Variants in GALNT2 observed in about 807,000 individuals in gnomAD.
The protein encoded by GALNT2 is polypeptide N-acetylgalactosaminyltransferase 2, also known as UDP-GalNAc:polypeptide N-acetylgalactosaminyltransferase 2.
In GALNT2, 31 loss-of-function variants were observed where a neutral mutation model predicts 81.4. The observed-to-expected ratio is 0.38, with a 90% CI of 0.29 to 0.51. GALNT2 has a LOEUF of 0.51. Among genes scored for constraint, GALNT2 ranks in the 20% least tolerant of loss-of-function variants. The pLI, the probability that GALNT2 is intolerant of heterozygous loss-of-function variation, is 0.87. For synonymous variants in GALNT2, 303 were observed against 287.4 expected (o/e 1.05, Z -0.55); for missense variants, 629 against 765.7 (o/e 0.82, Z 2.11).
In GALNT2 at chr1:230,107,610, T is replaced by TGTGTGTGTGTGTG. The variant is rs1660578332; in HGVS notation, c.126+40204_126+40205insGTGTGTGTGTGTG. ...AAATTCTCATTTCTTCTCATGGACT[T>TGTGTGTGTGTGTG]TGTGTGTGTGTGTGTGTGTGTGTGT... On this transcript the variant is annotated intron_variant, in intron 1 of 15. Transcript: ENST00000366672. Among the ~76,000 whole-genome samples, 505 of 141,200 alleles carry TGTGTGTGTGTGTG rather than the reference T, an allele frequency of 3.6e-3. 5 individuals carry two copies. The highest frequency in any genetic ancestry group is 4.0e-3 in the Non-Finnish European group (257 of 64,908). The allele number at this position is 141,200 out of a possible 152,430, so 92.6% of individuals were successfully genotyped here.
chr1:230,107,473 G>A (rs969600864), intron 1 of GALNT2, among the ~76,000 whole-genome samples: 1 of 152,136 alleles, frequency 6.6e-6, no homozygotes, highest in Non-Finnish European at 1.5e-5. Context: ...CCACCTACTC[G>A]GGAGGCTGAG....
intron 1 of GALNT2, among the ~76,000 whole-genome samples, chr1:230,083,461 CAG>C (rs545442925): frequency 7.5e-4 from 110 of 145,878 alleles, no homozygotes; most frequent in African/African-American, 2.4e-3. Flanking sequence ...GATGTTGGAG[CAG>C]ACAGTTGGGA....
chr1:230,113,415 G>A (rs889017739), intron 1 of GALNT2, among the ~76,000 whole-genome samples: 1 of 152,034 alleles, frequency 6.6e-6, no homozygotes, highest in African/African-American at 2.4e-5. Context: ...GGAGCTGCAG[G>A]GCGGAGCTGC....
At position 230,249,228 on chromosome 1, in the gene GALNT2, G is replaced by A. The variant is rs768484528; in HGVS notation, c.862G>A (p.Glu288Lys). ...ATTCAAGTGGGATTACATGACGCCTGAGCAGAGAAGGTCCCGGCAGGGGAA... is the reference window on the plus strand; with the variant it reads ...ATTCAAGTGGGATTACATGACGCCTAAGCAGAGAAGGTCCCGGCAGGGGAA... Reference protein sequence around the residue: ...LVFKWDYMTPEQRRSRQGNPV... With the variant: ...LVFKWDYMTPKQRRSRQGNPV... The change falls in exon 9 of 16, where the codon GAG (glutamate) becomes AAG (lysine). Residue 288 changes from glutamate (E) to lysine (K), a missense_variant. Around this residue, in one of 3 missense-constraint regions of GALNT2, gnomAD observed 360 missense variants for 492.8 expected, o/e 0.73. Transcript: ENST00000366672. 6.2e-6 allele frequency: 10 copies of A among 1,614,168 alleles called. 1 individual carries two copies. In the South Asian group the frequency reaches 9.9e-5, roughly 16 times the overall value.
intron 2 of GALNT2, among the ~76,000 whole-genome samples, chr1:230,189,530 A>T (rs1178120132): frequency 1.3e-5 from 2 of 152,176 alleles, no homozygotes; most frequent in African/African-American, 4.8e-5. Context: ...GATGAGATAA[A>T]CCACTTGTGT....
At chr1:230,140,095 G>A (rs530173531) in intron 1 of GALNT2, among the ~76,000 whole-genome samples, 11 of 152,326 alleles carry the variant, frequency 7.2e-5, no homozygotes, top group Middle Eastern at 6.8e-3. Context: ...TGCTGAGTGC[G>A]CCCTCCCCCA....
At position 230,096,764 on chromosome 1, in the gene GALNT2, A is replaced by G. The variant is rs559275674; in HGVS notation, c.126+29358A>G. On this transcript the variant is annotated intron_variant, in intron 1 of 15. Coordinates refer to ENST00000366672, the MANE Select transcript of GALNT2 (RefSeq NM_004481.5). ...TAGTTTGGTCTGAATTATACATACAATCATAGAATCAAAGTGACTTGAAAC... is the reference window on the plus strand; with the variant it reads ...TAGTTTGGTCTGAATTATACATACAGTCATAGAATCAAAGTGACTTGAAAC... 8.3e-4 allele frequency among the ~76,000 whole-genome samples: 127 copies of G among 152,320 alleles called. No individual in the cohort carries two copies. The Middle Eastern group carries it at 0.014, about 16-fold the overall frequency.
intron 1 of GALNT2, among the ~76,000 whole-genome samples, chr1:230,176,046 G>A (rs909511143): frequency 1.2e-4 from 19 of 152,126 alleles, no homozygotes; most frequent in African/African-American, 4.3e-4. Context: ...GTAGGTATTC[G>A]TAAATGGCAG....
At chr1:230,197,774 G>A (rs1035524811) in intron 2 of GALNT2, among the ~76,000 whole-genome samples, 31 of 152,014 alleles carry the variant, frequency 2.0e-4, no homozygotes, top group Admixed American at 1.6e-3. Flanking sequence ...GCATGCGTGC[G>A]TACATGCGTG....
chr1:230,223,573 A>C (rs1003129144), intron 3 of GALNT2, among the ~76,000 whole-genome samples: 12 of 151,736 alleles, frequency 7.9e-5, no homozygotes, highest in African/African-American at 2.9e-4. Flanking sequence ...GGTTCAAGCG[A>C]TTCTCTCCTG....
intron 1 of GALNT2, 104 bp downstream of exon 1, chr1:230,067,510 C>T (rs1659232723): frequency 3.7e-5 from 14 of 378,328 alleles, no homozygotes; most frequent in African/African-American, 1.5e-4. Context: ...TCCGCCCGGA[C>T]CTCCGCTCGC....
At chr1:230,222,912 C>CA (rs1664594003) in intron 3 of GALNT2, among the ~76,000 whole-genome samples, 5 of 152,192 alleles carry the variant, frequency 3.3e-5, no homozygotes, top group Admixed American at 3.3e-4. Context: ...AGCCTGCCCC[C>CA]AGAGGCTGCA....
intron 3 of GALNT2, among the ~76,000 whole-genome samples, chr1:230,224,118 C>CA (rs769624540): frequency 7.2e-5 from 11 of 152,298 alleles, no homozygotes; most frequent in Admixed American, 3.3e-4. Flanking sequence ...AACCAGAACT[C>CA]ACGTATCCAA....
intron 2 of GALNT2, among the ~76,000 whole-genome samples, chr1:230,188,760 A>T: frequency 6.7e-6 from 1 of 150,202 alleles, no homozygotes; most frequent in African/African-American, 2.4e-5. Flanking sequence ...GAACCACTGA[A>T]TTTTTTTTTT....
chr1:230,177,801 C>T (rs915390313), intron 1 of GALNT2, among the ~76,000 whole-genome samples: 2 of 152,120 alleles, frequency 1.3e-5, no homozygotes, highest in African/African-American at 4.8e-5. Context: ...CCTAAGATGT[C>T]CATAAACCAC....
intron 3 of GALNT2, among the ~76,000 whole-genome samples, chr1:230,229,543 G>T (rs1431212561): frequency 6.6e-6 from 1 of 152,146 alleles, no homozygotes; most frequent in East Asian, 1.9e-4. Context: ...AGTTGAAGAG[G>T]TTCATAATGT....
intron 15 of GALNT2, 110 bp downstream of exon 15, chr1:230,274,674 A>C: frequency 7.5e-7 from 1 of 1,328,848 alleles, no homozygotes; most frequent in Non-Finnish European, 1.0e-6. Context: ...CTCTGCGTGT[A>C]CTTATGTGTT....
intron 14 of GALNT2, chr1:230,268,528 T>G (rs887504531): frequency 1.3e-5 from 2 of 152,214 alleles, no homozygotes; most frequent in Admixed American, 1.3e-4. Flanking sequence ...TACAGCACAT[T>G]AAACAGAAGC....
intron 1 of GALNT2, among the ~76,000 whole-genome samples, chr1:230,128,938 A>G (rs1661281797): frequency 6.6e-6 from 1 of 152,214 alleles, no homozygotes; most frequent in African/African-American, 2.4e-5. Context: ...TGTTTGAGTC[A>G]GTGGAGAGGA....
Sources: allele counts gnomAD v4.1 joint callset (sites outside exome capture counted in the v4.1 genomes callset), GRCh38; gene constraint gnomAD v4.1.1; regional missense constraint gnomAD v4.1.1; transcripts MANE v1.5; gene names NCBI Gene and HGNC (gene_info 2026-07-23, HGNC 2026-07-21).